Variants in CNMD observed in about 807,000 individuals in gnomAD.
The protein encoded by CNMD is chondromodulin, also known as leukocyte cell-derived chemotaxin 1.
CNMD carries 30 observed loss-of-function variants against 37.5 expected under a neutral mutation model. The observed-to-expected ratio is 0.80, with a 90% CI of 0.60 to 1.09. CNMD has a LOEUF of 1.09. CNMD is among the 50% of genes least tolerant of loss of function. The pLI, the probability that CNMD is intolerant of heterozygous loss-of-function variation, is 0.00. For missense variants in CNMD, 398 were observed against 423.9 expected (o/e 0.94, Z 0.54); for synonymous variants, 167 against 148.2 (o/e 1.13, Z -0.92).
chr13:52,704,143 G>A (rs1313505059), intron 6 of CNMD, among the ~76,000 whole-genome samples: 1 of 152,192 alleles, frequency 6.6e-6, no homozygotes, highest in Non-Finnish European at 1.5e-5. Context: ...AAAGCAAGAA[G>A]GAAGCATTAT....
chr13:52,737,021 G>T (rs1964779590), intron 2 of CNMD, among the ~76,000 whole-genome samples: 1 of 152,142 alleles, frequency 6.6e-6, no homozygotes, highest in Non-Finnish European at 1.5e-5. Flanking sequence ...CCTGTCCTAA[G>T]GGGATTTACC....
chr13:52,729,789 C>G (rs966964735), intron 3 of CNMD, among the ~76,000 whole-genome samples: 1 of 152,092 alleles, frequency 6.6e-6, no homozygotes, highest in Non-Finnish European at 1.5e-5. Flanking sequence ...AGTGAACCCC[C>G]ATATGCCCAT....
chr13:52,708,076 A>C (rs896981594), intron 6 of CNMD, among the ~76,000 whole-genome samples: 1 of 152,152 alleles, frequency 6.6e-6, no homozygotes, highest in African/African-American at 2.4e-5. Context: ...AACAACAAAA[A>C]AACAACTTTG....
chr13:52,726,502 T>C (rs940079216), intron 3 of CNMD, among the ~76,000 whole-genome samples: 6 of 150,718 alleles, frequency 4.0e-5, no homozygotes, highest in African/African-American at 1.5e-4. Flanking sequence ...ACCGACGCTG[T>C]TTACAGCTAA....
At chr13:52,738,948 C>T (rs1211545396) in intron 2 of CNMD, 83 bp downstream of exon 2, 1 of 1,298,238 alleles carries the variant, frequency 7.7e-7, no homozygotes. Flanking sequence ...CAGCCGCGCG[C>T]CCCTCGCCGG....
rs1964242180 is a variant in CNMD, at chr13:52,708,758, CTG to C, written c.623-58_623-57del. On this transcript the variant is annotated intron_variant, in intron 5 of 6. Transcript: ENST00000377962. ...ATTTGAATAATTAAGGAAATTAGATCTGTGTTTATCAGGGTGAAAAACATAAG... is the reference window on the plus strand; with the variant it reads ...ATTTGAATAATTAAGGAAATTAGATCTGTTTATCAGGGTGAAAAACATAAG... 2.9e-6 allele frequency: 4 copies of C among 1,370,200 alleles called. No individual in the cohort carries two copies. In the South Asian group the frequency reaches 5.6e-5, roughly 19 times the overall value. The allele number at this position is 1,370,200 out of a possible 1,614,324, so 84.9% of individuals were successfully genotyped here. A position where few individuals can be genotyped will look rare whatever the true frequency, so the allele number is the denominator to read the frequency against.
intron 6 of CNMD, among the ~76,000 whole-genome samples, chr13:52,708,028 T>C (rs1395599457): frequency 1.3e-5 from 2 of 151,660 alleles, no homozygotes; most frequent in African/African-American, 4.8e-5. Flanking sequence ...GGCAGGAGAA[T>C]TGCTTGAACC....
chr13:52,736,898 T>G (rs1173483528), intron 2 of CNMD, among the ~76,000 whole-genome samples: 4 of 152,192 alleles, frequency 2.6e-5, no homozygotes, highest in African/African-American at 9.6e-5. Context: ...AATGCCTTGT[T>G]CCATTTACAA....
At chr13:52,738,574 C>T (rs937729796) in intron 2 of CNMD, among the ~76,000 whole-genome samples, 2 of 152,162 alleles carry the variant, frequency 1.3e-5, no homozygotes, top group African/African-American at 4.8e-5. Flanking sequence ...AAAATTCCTT[C>T]CCAATGGGTC....
intron 4 of CNMD, among the ~76,000 whole-genome samples, chr13:52,722,105 G>A (rs1309091903): frequency 1.3e-5 from 2 of 152,034 alleles, no homozygotes; most frequent in Non-Finnish European, 2.9e-5. Flanking sequence ...GACGACCTTT[G>A]ATTCTGAACA....
chr13:52,727,840 G>A (rs1036572777), intron 3 of CNMD, among the ~76,000 whole-genome samples: 2 of 152,098 alleles, frequency 1.3e-5, no homozygotes, highest in African/African-American at 4.8e-5. Context: ...TTGGTTAGTG[G>A]GTGGTAAAAA....
chr13:52,713,411 A>G (rs768051112), intron 4 of CNMD, among the ~76,000 whole-genome samples: 1 of 152,212 alleles, frequency 6.6e-6, no homozygotes, highest in Non-Finnish European at 1.5e-5. Context: ...CCTCACATCA[A>G]GCACACCACT....
intron 6 of CNMD, 128 bp downstream of exon 6, chr13:52,708,408 C>T: frequency 2.8e-6 from 2 of 726,022 alleles, no homozygotes; most frequent in South Asian, 5.1e-5. Context: ...GCCTCGAACT[C>T]CTGACCTCGT....
intron 3 of CNMD, among the ~76,000 whole-genome samples, chr13:52,731,993 C>T (rs1426782569): frequency 2.0e-5 from 3 of 152,162 alleles, no homozygotes; most frequent in African/African-American, 4.8e-5. Flanking sequence ...GAGGCTGTCC[C>T]CAGGGCAGAG....
Position 52,703,582 on chromosome 13 carries a change from A to G in CNMD, c.*13T>C. The G allele has an allele frequency of 6.3e-7, 1 of 1,578,358 alleles. No individual in the cohort carries two copies. Among genetic ancestry groups the G allele is most frequent in the Non-Finnish European group, 8.7e-7 (1 of 1,148,992 alleles). ...TAGTTCTTATTTTACAGCACATGATATATGAAGTGATTTCACACCATGCCC... is the reference window on the plus strand; with the variant it reads ...TAGTTCTTATTTTACAGCACATGATGTATGAAGTGATTTCACACCATGCCC... On this transcript the variant is annotated 3_prime_UTR_variant, in exon 7 of 7. Transcript: ENST00000377962.
intron 6 of CNMD, 128 bp from the exon 7 acceptor site, chr13:52,703,938 C>G (rs1964132845): frequency 2.9e-6 from 2 of 686,802 alleles, no homozygotes; most frequent in South Asian, 4.2e-5. Flanking sequence ...AGGGTTTGAT[C>G]TTGTTTACCC....
Position 52,733,346 on chromosome 13 carries a change from T to C in CNMD, c.227A>G (p.His76Arg). The part of the protein sequence containing the change: ...KGSDSHIYNV[H>R]YTMSINGKLQ... The stretch of plus-strand genomic sequence containing the variant: ...TTTCCCATTGATACTCATGGTGTAA[T>C]GGACATTGTAAATCTGAAAGTGAGC... Residue 76 changes from histidine (H) to arginine (R), a missense_variant, in exon 3 of 7, where the codon CAT (histidine) becomes CGT (arginine). By Grantham distance (29) the His-to-Arg change is conservative. Coordinates refer to ENST00000377962, the MANE Select transcript of CNMD (RefSeq NM_007015.3). 1 of 1,614,006 alleles carries C rather than the reference T, an allele frequency of 6.2e-7. No homozygotes were observed. The highest frequency in any genetic ancestry group is 8.5e-7 in the Non-Finnish European group (1 of 1,179,858).
At chr13:52,736,283 C>T (rs914621163) in intron 2 of CNMD, among the ~76,000 whole-genome samples, 3 of 152,222 alleles carry the variant, frequency 2.0e-5, no homozygotes, top group South Asian at 2.1e-4. Flanking sequence ...CGTGAGCCAC[C>T]GCGCCCGGCC....
In CNMD at chr13:52,739,270, G is replaced by A. The variant is rs779621398; in HGVS notation, c.73-99C>T. The A allele has an allele frequency of 2.9e-4, 392 of 1,341,184 alleles. 1 individual carries two copies. The highest frequency in any genetic ancestry group is 3.6e-4 in the Non-Finnish European group (367 of 1,026,446). The allele number at this position is 1,341,184 out of a possible 1,614,324, so 83.1% of individuals were successfully genotyped here. On this transcript the variant is annotated intron_variant, in intron 1 of 6. Coordinates refer to ENST00000377962, the MANE Select transcript of CNMD (RefSeq NM_007015.3). This position sits in a 1 kb window ranked among gnomAD's most constrained non-coding sequence, Gnocchi z 5.4. ...CCACGCGGTAGCCCCCAGGGAGTGGGGAGTCGGGCGGGAAACAGCTCGCCC... is the reference window on the plus strand; with the variant it reads ...CCACGCGGTAGCCCCCAGGGAGTGGAGAGTCGGGCGGGAAACAGCTCGCCC...
Sources: allele counts gnomAD v4.1 joint callset (sites outside exome capture counted in the v4.1 genomes callset), GRCh38; gene constraint gnomAD v4.1.1; non-coding constraint Gnocchi (gnomAD v3.1); transcripts MANE v1.5; gene names NCBI Gene and HGNC (gene_info 2026-07-23, HGNC 2026-07-21).